Variants in MARCHF1 observed in about 807,000 individuals in gnomAD.
The protein encoded by MARCHF1 is E3 ubiquitin-protein ligase MARCHF1.
A neutral mutation model predicts 54.2 loss-of-function variants in MARCHF1; 40 were observed. That is an observed-to-expected ratio of 0.74 (90% confidence interval 0.57 to 0.96). The LOEUF is 0.96. Ranked by LOEUF, MARCHF1 falls within the 40% of genes least tolerant of loss-of-function variation. The probability of loss-of-function intolerance (pLI) is 0.00; values close to 1 mark genes in which losing one functional copy is unlikely to be tolerated. For missense variants in MARCHF1, 586 were observed against 656.5 expected (o/e 0.89, Z 1.17); for synonymous variants, 236 against 236.3 (o/e 1.00, Z 0.01).
At chr4:163,670,108 C>A (rs752355810) in intron 5 of MARCHF1, among the ~76,000 whole-genome samples, 40 of 151,892 alleles carry the variant, frequency 2.6e-4, no homozygotes, top group Non-Finnish European at 5.4e-4. Context: ...TTATTAAACA[C>A]AAATTGCTCA....
In MARCHF1 at chr4:163,834,202, C is replaced by G. The variant is rs562215724; in HGVS notation, c.111+19819G>C. ...ACAGAAATAAAAGCATATGAAAAAT[C>G]ATCTTGTTTTGTGGTACTTTGAAGT... On this transcript the variant is annotated intron_variant, in intron 4 of 9. Transcript: ENST00000514618. Among the ~76,000 whole-genome samples, 27 of 151,684 alleles carry G rather than the reference C, an allele frequency of 1.8e-4. No homozygotes were observed. The South Asian group carries it at 5.4e-3, about 30-fold the overall frequency.
chr4:163,669,186 G>T (rs191307340), intron 5 of MARCHF1, among the ~76,000 whole-genome samples: 1 of 152,010 alleles, frequency 6.6e-6, no homozygotes, highest in Admixed American at 6.6e-5. Context: ...CTGAGTGAAC[G>T]CTGACTTGGC....
At chr4:163,626,393 T>G (rs1385090691) in intron 5 of MARCHF1, among the ~76,000 whole-genome samples, 2 of 152,170 alleles carry the variant, frequency 1.3e-5, no homozygotes, top group African/African-American at 4.8e-5. Context: ...CCAGTTTAGA[T>G]CCAATCCACT....
intron 1 of MARCHF1, among the ~76,000 whole-genome samples, chr4:164,227,312 A>G (rs1405802460): frequency 1.3e-5 from 2 of 152,206 alleles, no homozygotes; most frequent in East Asian, 3.9e-4. Flanking sequence ...ACTCATTATC[A>G]CAAGAACAGC....
intron 5 of MARCHF1, among the ~76,000 whole-genome samples, chr4:163,631,323 GC>G (rs1315093149): frequency 1.3e-5 from 2 of 151,042 alleles, no homozygotes; most frequent in Non-Finnish European, 3.0e-5. Context: ...CTCCTGAGTA[GC>G]TGGGATTACA....
chr4:163,884,655 C>T (rs1276842934), intron 3 of MARCHF1, among the ~76,000 whole-genome samples: 1 of 152,160 alleles, frequency 6.6e-6, no homozygotes, highest in Non-Finnish European at 1.5e-5. Context: ...CACAGAGCTG[C>T]TTACTTTCAA....
chr4:163,787,805 C>T (rs1046810847), intron 4 of MARCHF1, among the ~76,000 whole-genome samples: 1 of 151,828 alleles, frequency 6.6e-6, no homozygotes, highest in African/African-American at 2.4e-5. Flanking sequence ...TTCACAATTG[C>T]CAAGAGATGT....
intron 3 of MARCHF1, among the ~76,000 whole-genome samples, chr4:163,918,553 T>C (rs1232644249): frequency 6.6e-6 from 1 of 152,084 alleles, no homozygotes; most frequent in African/African-American, 2.4e-5. Context: ...GCAGTAGAGA[T>C]TAAGTGATGA....
At chr4:164,082,083 ACAGCCAGCC>A (rs941442110) in intron 2 of MARCHF1, among the ~76,000 whole-genome samples, 1 of 152,134 alleles carries the variant, frequency 6.6e-6, no homozygotes, top group Non-Finnish European at 1.5e-5. Flanking sequence ...AATTGCAAAA[ACAGCCAGCC>A]CCAGGAGGCT....
chr4:163,558,031 G>GA (rs869220615), intron 8 of MARCHF1, among the ~76,000 whole-genome samples: 1 of 152,084 alleles, frequency 6.6e-6, no homozygotes, highest in African/African-American at 2.4e-5. Flanking sequence ...CAAAGAGGGG[G>GA]AAAAAAGAAA....
intron 3 of MARCHF1, among the ~76,000 whole-genome samples, chr4:163,940,924 T>G (rs1029283712): frequency 2.0e-5 from 3 of 152,106 alleles, no homozygotes; most frequent in African/African-American, 7.2e-5. Flanking sequence ...TAAATACTTG[T>G]TTTCATAATG....
intron 3 of MARCHF1, among the ~76,000 whole-genome samples, chr4:163,923,061 C>T (rs1751464965): frequency 6.6e-6 from 1 of 152,012 alleles, no homozygotes; most frequent in South Asian, 2.1e-4. Context: ...TGAAAAAAGT[C>T]CTGTTGGAAA....
chr4:163,878,076 G>C lies in MARCHF1; in HGVS notation c.-38-23907C>G, dbSNP rs1378874914. 4.6e-5 allele frequency among the ~76,000 whole-genome samples: 7 copies of C among 152,272 alleles called. No homozygotes were observed. The East Asian group carries it at 1.4e-3, about 29-fold the overall frequency. ...TTTCCCCTTCCAGCCACTTTGTCAGGAAACAAGAAGCCCTCTGCTCCCTTG... is the reference window on the plus strand; with the variant it reads ...TTTCCCCTTCCAGCCACTTTGTCAGCAAACAAGAAGCCCTCTGCTCCCTTG... On this transcript the variant is annotated intron_variant, in intron 3 of 9. Transcript: ENST00000514618.
intron 2 of MARCHF1, among the ~76,000 whole-genome samples, chr4:163,997,977 T>C (rs932074918): frequency 1.3e-5 from 2 of 150,108 alleles, no homozygotes; most frequent in Non-Finnish European, 3.0e-5. Context: ...ACATGCAAAA[T>C]GTCTAAAAAA....
chr4:163,702,892 G>A (rs1330351539), intron 4 of MARCHF1, among the ~76,000 whole-genome samples: 1 of 152,142 alleles, frequency 6.6e-6, no homozygotes, highest in Non-Finnish European at 1.5e-5. Flanking sequence ...CATGGAAGAG[G>A]AAAGTGCATC....
At chr4:163,760,470 C>G (rs768866894) in intron 4 of MARCHF1, among the ~76,000 whole-genome samples, 7 of 152,114 alleles carry the variant, frequency 4.6e-5, no homozygotes, top group Non-Finnish European at 8.8e-5. Flanking sequence ...TATTCTAGTC[C>G]TTATACCTGA....
chr4:164,263,402 A>T (rs1560979446), intron 1 of MARCHF1, among the ~76,000 whole-genome samples: 1 of 152,040 alleles, frequency 6.6e-6, no homozygotes, highest in African/African-American at 2.4e-5. Context: ...TTTTTTAGAG[A>T]TGTGGTTTTG....
At chr4:163,535,335 C>T (rs953462800) in intron 9 of MARCHF1, among the ~76,000 whole-genome samples, 1 of 152,014 alleles carries the variant, frequency 6.6e-6, no homozygotes, top group African/African-American at 2.4e-5. Context: ...ACTAAAAATT[C>T]AGAGTTCAAA....
chr4:164,097,185 A>C (rs1353555081), intron 2 of MARCHF1, among the ~76,000 whole-genome samples: 1 of 152,182 alleles, frequency 6.6e-6, no homozygotes, highest in Non-Finnish European at 1.5e-5. Flanking sequence ...TTACTGCCTA[A>C]AATAAGTGTA....
Sources: allele counts gnomAD v4.1 joint callset (sites outside exome capture counted in the v4.1 genomes callset), GRCh38; gene constraint gnomAD v4.1.1; transcripts MANE v1.5; gene names NCBI Gene and HGNC (gene_info 2026-07-23, HGNC 2026-07-21).